Variants in COQ9 observed in about 807,000 individuals in gnomAD.
COQ9 encodes ubiquinone biosynthesis protein COQ9, mitochondrial.
Under a neutral mutation model 42.4 loss-of-function variants are expected in COQ9, and 35 were observed. The ratio of observed to expected loss-of-function variants is 0.83; its 90% CI spans 0.63 to 1.10. The LOEUF is 1.10. COQ9 is among the 50% of genes least tolerant of loss of function. COQ9 has a pLI of 0.00. For missense variants in COQ9, 406 were observed against 414.6 expected, an observed-to-expected ratio of 0.98 and a Z score of 0.18; for synonymous variants, 155 against 155.1, an observed-to-expected ratio of 1.00 and a Z score of 0.00.
In COQ9 at chr16:57,452,915, G is replaced by A. The variant is rs202128398; in HGVS notation, c.357G>A (p.Glu119=). The A allele has an allele frequency of 8.2e-5, 132 of 1,613,754 alleles. No individual in the cohort carries two copies. The highest frequency in any genetic ancestry group is 6.4e-5 in the Non-Finnish European group (76 of 1,179,942). ...TGCCCGCCCACGGGTGGACAGCAGAGGCGATTGCAGAAGGAGCCCAGGTGT... is the reference window on the plus strand; with the variant it reads ...TGCCCGCCCACGGGTGGACAGCAGAAGCGATTGCAGAAGGAGCCCAGGTGT... ...EFVPAHGWTA[E]AIAEGAQSLG... The change falls in exon 3 of 9, where the codon GAG becomes GAA. Residue 119 remains glutamate, a synonymous_variant. Coordinates refer to ENST00000262507, the MANE Select transcript of COQ9 (RefSeq NM_020312.4).
chr16:57,460,132 C>T, intron 8 of COQ9, 28 bp downstream of exon 8: 2 of 1,611,388 alleles, frequency 1.2e-6, no homozygotes, highest in Non-Finnish European at 1.7e-6. Context: ...CATCCCTGCC[C>T]CTCCTCTCTC....
intron 3 of COQ9, among the ~76,000 whole-genome samples, chr16:57,455,267 A>T (rs1248829515): frequency 6.6e-6 from 1 of 151,894 alleles, no homozygotes; most frequent in East Asian, 1.9e-4. Context: ...CTTGTTGAGT[A>T]TGAGGAGTTT....
intron 5 of COQ9, chr16:57,457,416 T>TA (rs2030431522): frequency 2.9e-6 from 1 of 343,162 alleles, no homozygotes; most frequent in Non-Finnish European, 5.7e-6. Flanking sequence ...ATTTGTCAAT[T>TA]GTCAATGTGA....
Position 57,447,502 on chromosome 16 carries a change from C to T in COQ9, c.-4C>T. The T allele has an allele frequency of 7.7e-7, 1 of 1,305,096 alleles. No homozygotes were observed. 80.8% of individuals were successfully genotyped at this position (1,305,096 alleles called of 1,614,324 possible). A position where few individuals can be genotyped will look rare whatever the true frequency, so the allele number is the denominator to read the frequency against. On this transcript the variant is annotated 5_prime_UTR_variant, in exon 1 of 9. Coordinates refer to ENST00000262507, the MANE Select transcript of COQ9 (RefSeq NM_020312.4). Reference sequence around the variant, plus strand: ...TCGCCGTGGGCGACGTGCCCGCTTCCAAAATGGCGGCGGCGGCGGTATCTG... The same window carrying T: ...TCGCCGTGGGCGACGTGCCCGCTTCTAAAATGGCGGCGGCGGCGGTATCTG...
chr16:57,459,523 G>A, intron 6 of COQ9, 42 bp from the exon 7 acceptor site: 1 of 1,612,880 alleles, frequency 6.2e-7, no homozygotes, highest in Non-Finnish European at 8.5e-7. Flanking sequence ...AACTGCCTCA[G>A]ACTTGCACCA....
At chr16:57,457,336 G>T (rs2030429926) in intron 5 of COQ9, 1 of 407,642 alleles carries the variant, frequency 2.5e-6, no homozygotes, top group Non-Finnish European at 4.7e-6. Context: ...GGTTAGAAGA[G>T]TCAGAAGATT....
At chr16:57,450,934 A>G in intron 1 of COQ9, 106 bp from the exon 2 acceptor site, 1 of 1,232,018 alleles carries the variant, frequency 8.1e-7, no homozygotes, top group South Asian at 1.3e-5. Flanking sequence ...AAGTGGTTCT[A>G]CAGGAGTCTC....
intron 1 of COQ9, 197 bp from the exon 2 acceptor site, chr16:57,450,843 G>T: frequency 3.0e-6 from 2 of 657,366 alleles, no homozygotes; most frequent in Admixed American, 2.3e-5. Flanking sequence ...CATTTTTCCT[G>T]GCTTACCACT....
In COQ9 at chr16:57,451,062, G is replaced by T. The variant is rs770121849; in HGVS notation, c.96G>T (p.Leu32=). 87 of 1,613,928 alleles carry T rather than the reference G, an allele frequency of 5.4e-5. No individual in the cohort carries two copies. The highest frequency in any genetic ancestry group is 6.7e-5 in the Non-Finnish European group (79 of 1,180,028). ...CLPVARCRQA[L]VPRAFHASAV... The stretch of plus-strand genomic sequence containing the variant: ...CAGTGGCCCGTTGCCGACAAGCCCT[G>T]GTGCCGCGTGCCTTCCATGCTTCAG... The change falls in exon 2 of 9, where the codon CTG becomes CTT. Residue 32 remains leucine, a synonymous_variant. Coordinates refer to ENST00000262507, the MANE Select transcript of COQ9 (RefSeq NM_020312.4).
At chr16:57,455,724 T>C (rs557208022) in intron 3 of COQ9, among the ~76,000 whole-genome samples, 4 of 152,004 alleles carry the variant, frequency 2.6e-5, no homozygotes, top group Admixed American at 2.6e-4. Flanking sequence ...GGGGTAGAAC[T>C]AGGGTGCACC....
chr16:57,451,168 G>T lies in COQ9; in HGVS notation c.202G>T (p.Ala68Ser). 6.2e-7 allele frequency: 1 copy of T among 1,614,174 alleles called. No homozygotes were observed. Among genetic ancestry groups the T allele is most frequent in the Non-Finnish European group, 8.5e-7 (1 of 1,180,026 alleles). The change falls in exon 2 of 9, where the codon GCA (alanine) becomes TCA (serine). Residue 68 changes from alanine to serine, a missense_variant. Physicochemically the swap from Ala to Ser is moderately conservative, Grantham distance 99. Transcript: ENST00000262507. The stretch of plus-strand genomic sequence containing the variant: ...TCAGCAGCATTCTGAGACACAGGGG[G>T]CAGAAAAACCTGATCCAGAGTCTTC... ...FSQQHSETQG[A>S]EKPDPESSHS... is the part of the protein sequence containing the mutation.
In COQ9 at chr16:57,450,615, A is replaced by AT. The variant is rs2030262718; in HGVS notation, c.74-423dup. Among the ~76,000 whole-genome samples, 5 of 152,192 alleles carry AT rather than the reference A, an allele frequency of 3.3e-5. No individual in the cohort carries two copies. The South Asian group carries it at 8.3e-4, about 25-fold the overall frequency. On this transcript the variant is annotated intron_variant, in intron 1 of 8. Transcript: ENST00000262507. ...AACACTGGGGGAGTAGGGCTGAGAC[A>AT]TTAAATTACTATTCCAGAGCTCTTG...
intron 8 of COQ9, 34 bp from the exon 9 acceptor site, chr16:57,460,555 C>CT: frequency 6.2e-7 from 1 of 1,610,372 alleles, no homozygotes; most frequent in Admixed American, 1.7e-5. Context: ...AAGGTAAGCC[C>CT]TCACTATTCT....
At chr16:57,455,851 G>A (rs2030390991) in intron 3 of COQ9, among the ~76,000 whole-genome samples, 1 of 152,126 alleles carries the variant, frequency 6.6e-6, no homozygotes, top group Non-Finnish European at 1.5e-5. Flanking sequence ...GCTGAGGCGG[G>A]AGGATTGCTT....
intron 5 of COQ9, chr16:57,457,984 T>C: frequency 2.1e-6 from 1 of 486,710 alleles, no homozygotes; most frequent in Non-Finnish European, 3.8e-6. Context: ...CTAGACCCTC[T>C]GGCCCTCTGC....
rs1451236521 is a variant in COQ9 at position 57,456,492 on chromosome 16, C to G, written c.379-12C>G. Reference sequence around the variant, plus strand: ...GGCACCGCTTTTCTGTTTTCTGTCTCCCCTTTTGTAGTCTCTGGGTCTCTC... The same window carrying G: ...GGCACCGCTTTTCTGTTTTCTGTCTGCCCTTTTGTAGTCTCTGGGTCTCTC... On this transcript the variant is annotated splice_polypyrimidine_tract_variant and intron_variant, in intron 3 of 8. Coordinates refer to ENST00000262507, the MANE Select transcript of COQ9 (RefSeq NM_020312.4). 1 of 1,614,030 alleles carries G rather than the reference C, an allele frequency of 6.2e-7. No individual in the cohort carries two copies. The highest frequency in any genetic ancestry group is 8.5e-7 in the Non-Finnish European group (1 of 1,180,002).
chr16:57,455,196 G>A (rs1412350014), intron 3 of COQ9, among the ~76,000 whole-genome samples: 9 of 151,910 alleles, frequency 5.9e-5, no homozygotes, highest in African/African-American at 1.9e-4. Context: ...CAATGGTGGT[G>A]TTTTCTAAGG....
At chr16:57,450,240 T>G (rs1265469101) in intron 1 of COQ9, among the ~76,000 whole-genome samples, 1 of 151,836 alleles carries the variant, frequency 6.6e-6, no homozygotes, top group African/African-American at 2.4e-5. Flanking sequence ...ATGGCGAAAC[T>G]CCGTCTCTAC....
intron 5 of COQ9, chr16:57,457,258 C>A: frequency 1.7e-6 from 1 of 586,692 alleles, no homozygotes; most frequent in South Asian, 1.7e-5. Context: ...GGATCCCATC[C>A]TGGGTGGGGT....
Sources: gnomAD v4.1 joint callset for allele counts (sites outside exome capture counted in the v4.1 genomes callset) on GRCh38, gnomAD v4.1.1 for gene constraint, MANE v1.5 for transcripts, NCBI Gene and HGNC (gene_info 2026-07-23, HGNC 2026-07-21) for gene names.